Variants in FBXL13 observed in about 807,000 individuals in gnomAD.
The protein encoded by FBXL13 is F-box and leucine-rich repeat protein 13.
In FBXL13, 67 loss-of-function variants were observed where a neutral mutation model predicts 83.6. The ratio of observed to expected loss-of-function variants is 0.80; its 90% confidence interval spans 0.66 to 0.98. FBXL13 has a LOEUF of 0.98. Among genes scored for constraint, FBXL13 ranks in the 50% least tolerant of loss-of-function variants. The pLI is 0.00. For synonymous variants in FBXL13, 272 were observed against 299.5 expected, an observed-to-expected ratio of 0.91 and a Z score of 0.95; for missense variants, 822 against 866.5, an observed-to-expected ratio of 0.95 and a Z score of 0.64.
intron 14 of FBXL13, among the ~76,000 whole-genome samples, chr7:102,879,289 G>T (rs1282230007): frequency 6.6e-6 from 1 of 152,150 alleles, no homozygotes; most frequent in Admixed American, 6.5e-5. Flanking sequence ...CCCTCCGTTT[G>T]TTCAGATTTG....
intron 6 of FBXL13, among the ~76,000 whole-genome samples, chr7:102,980,434 T>C (rs923485718): frequency 1.3e-5 from 2 of 152,208 alleles, no homozygotes; most frequent in Admixed American, 6.5e-5. Flanking sequence ...CCCTCTACCT[T>C]ACACCATATA....
chr7:102,882,523 A>G (rs1307924456), intron 14 of FBXL13, among the ~76,000 whole-genome samples: 1 of 152,172 alleles, frequency 6.6e-6, no homozygotes, highest in Non-Finnish European at 1.5e-5. Context: ...GCACTTTGGG[A>G]GGCTGAGGCA....
At chr7:102,867,493 G>A (rs539566062) in intron 16 of FBXL13, among the ~76,000 whole-genome samples, 1 of 151,686 alleles carries the variant, frequency 6.6e-6, no homozygotes, top group South Asian at 2.1e-4. Flanking sequence ...AGGAGCTGTA[G>A]GAGAGTCAGT....
rs1765695130 is a variant in FBXL13, at chr7:102,911,055, C to G, written c.1008+2031G>C. Reference sequence around the variant, plus strand: ...GGACTACAGGCATGAGCCACCGCGCCCAGCCTAAAAGCATACAAAGGTGTT... The same window carrying G: ...GGACTACAGGCATGAGCCACCGCGCGCAGCCTAAAAGCATACAAAGGTGTT... On this transcript the variant is annotated intron_variant, in intron 11 of 19. Transcript: ENST00000313221. 2.0e-5 allele frequency among the ~76,000 whole-genome samples: 3 copies of G among 152,170 alleles called. No individual in the cohort carries two copies. In the South Asian group the frequency reaches 6.2e-4, roughly 32 times the overall value.
chr7:102,968,063 C>A (rs1826186302), exon 7 of FBXL13: 2 of 1,613,814 alleles, frequency 1.2e-6, no homozygotes, highest in East Asian at 2.2e-5. Context: ...AACATCCAGG[C>A]ATGATTAACT....
intron 6 of FBXL13, among the ~76,000 whole-genome samples, chr7:102,979,791 G>T (rs1398739949): frequency 6.6e-6 from 1 of 152,046 alleles, no homozygotes; most frequent in Admixed American, 6.6e-5. Context: ...CTAAAAAGGT[G>T]AAAGACTAGC....
At chr7:102,854,040 T>C (rs990070021) in intron 17 of FBXL13, among the ~76,000 whole-genome samples, 1 of 152,192 alleles carries the variant, frequency 6.6e-6, no homozygotes, top group Non-Finnish European at 1.5e-5. Context: ...CAAAGGACTA[T>C]AAATCATGCC....
At chr7:102,848,755 A>G (rs538829967) in intron 17 of FBXL13, among the ~76,000 whole-genome samples, 84 of 152,212 alleles carry the variant, frequency 5.5e-4, no homozygotes, top group Non-Finnish European at 1.0e-3. Context: ...GCAGTTTGGG[A>G]GGCCAAGGCA....
chr7:103,011,527 T>C (rs1246946676), intron 6 of FBXL13, among the ~76,000 whole-genome samples: 1 of 151,382 alleles, frequency 6.6e-6, no homozygotes, highest in African/African-American at 2.4e-5. Context: ...TAATCCCAGC[T>C]ACCTGGAGGC....
At chr7:103,036,417 G>A (rs903047274) in intron 2 of FBXL13, among the ~76,000 whole-genome samples, 1 of 152,056 alleles carries the variant, frequency 6.6e-6, no homozygotes, top group Non-Finnish European at 1.5e-5. Context: ...TTAATACAGA[G>A]AGAACATATC....
chr7:102,973,632 C>T (rs754152909), intron 6 of FBXL13: 7 of 766,250 alleles, frequency 9.1e-6, no homozygotes, highest in African/African-American at 3.4e-5. Flanking sequence ...TGCCGAAACC[C>T]GGGAGGGGCT....
At chr7:102,964,397 T>C (rs747959943) in intron 7 of FBXL13, among the ~76,000 whole-genome samples, 27 of 135,588 alleles carry the variant, frequency 2.0e-4, no homozygotes, top group Non-Finnish European at 3.2e-4. Flanking sequence ...TGACTATATA[T>C]ATATATATTT....
chr7:102,883,212 G>T, intron 14 of FBXL13, 93 bp downstream of exon 15: 1 of 1,257,926 alleles, frequency 7.9e-7, no homozygotes, highest in Non-Finnish European at 1.1e-6. Context: ...TGACTTTCAT[G>T]TTTACCCCAC....
rs147074240 is a variant in FBXL13, at chr7:102,878,232, C to T, written c.1508+99G>A. On this transcript the variant is annotated intron_variant, in intron 15 of 19. Coordinates refer to ENST00000313221, the Ensembl canonical transcript of FBXL13. ...CAGCTTCTGGGCATCTCTGATGTTC[C>T]CCCAAATGTCATGAAATCTTTGCTT... 1.1e-5 allele frequency: 12 copies of T among 1,060,022 alleles called. No individual in the cohort carries two copies. The East Asian group carries it at 3.5e-4, about 31-fold the overall frequency. The allele number at this position is 1,060,022 out of a possible 1,614,324, so 65.7% of individuals were successfully genotyped here.
intron 1 of FBXL13, among the ~76,000 whole-genome samples, chr7:103,068,305 A>C (rs1260231817): frequency 1.3e-5 from 2 of 152,190 alleles, no homozygotes; most frequent in Non-Finnish European, 2.9e-5. Context: ...AACTACAAAG[A>C]AGCTGAGACT....
At chr7:103,040,209 G>A (rs1203597950) in intron 2 of FBXL13, among the ~76,000 whole-genome samples, 5 of 152,048 alleles carry the variant, frequency 3.3e-5, no homozygotes, top group Admixed American at 6.6e-5. Context: ...AACCAACAGA[G>A]ATCAAAAAGA....
chr7:102,947,653 C>G (rs1379432722), intron 8 of FBXL13, among the ~76,000 whole-genome samples: 1 of 152,118 alleles, frequency 6.6e-6, no homozygotes, highest in Non-Finnish European at 1.5e-5. Context: ...CTTTGGATGT[C>G]TCTTTTTTAC....
At position 102,813,497 on chromosome 7, in the gene FBXL13, G is replaced by T. The variant is rs770665788; in HGVS notation, c.2053C>A (p.Gln685Lys). Residue 685 changes from glutamine to lysine, a missense_variant, in exon 20 of 20, where the codon CAG (glutamine) becomes AAG (lysine). Transcript: ENST00000313221. ...GGGTCATTAGTGTTGTATTCCTGCTGCTGAACTTTAGATGACATTCTTTGA... is the reference window on the plus strand; with the variant it reads ...GGGTCATTAGTGTTGTATTCCTGCTTCTGAACTTTAGATGACATTCTTTGA... 8 of 1,614,106 alleles carry T rather than the reference G, an allele frequency of 5.0e-6. No individual in the cohort carries two copies. In the South Asian group the frequency reaches 8.8e-5, roughly 18 times the overall value.
chr7:102,905,207 G>T (rs1563070391), intron 11 of FBXL13, among the ~76,000 whole-genome samples: 1 of 152,092 alleles, frequency 6.6e-6, no homozygotes, highest in Non-Finnish European at 1.5e-5. Flanking sequence ...CTGAAAGTGG[G>T]GTGTTGAAGT....
Sources: gnomAD v4.1 joint callset for allele counts (sites outside exome capture counted in the v4.1 genomes callset) on GRCh38, gnomAD v4.1.1 for gene constraint, MANE v1.5 for transcripts, NCBI Gene and HGNC (gene_info 2026-07-23, HGNC 2026-07-21) for gene names.